Variants in PARD3 observed in about 807,000 individuals in gnomAD.
The protein encoded by PARD3 is partitioning defective 3 homolog.
Under a neutral mutation model 155.4 loss-of-function variants are expected in PARD3, and 75 were observed. The observed-to-expected ratio is 0.48, with a 90% CI of 0.40 to 0.58. The LOEUF is 0.58. Ranked by LOEUF, PARD3 falls within the 20% of genes least tolerant of loss-of-function variation. PARD3 has a pLI of 0.00. For synonymous variants in PARD3, 576 were observed against 610.5 expected, an observed-to-expected ratio of 0.94 and a Z score of 0.83; for missense variants, 1,642 against 1,721.7, an observed-to-expected ratio of 0.95 and a Z score of 0.82.
At chr10:34,241,520 A>G (rs183402906) in intron 22 of PARD3, among the ~76,000 whole-genome samples, 195 of 152,246 alleles carry the variant, frequency 1.3e-3, no homozygotes, top group African/African-American at 4.5e-3. Context: ...AAAAAGGAAA[A>G]ACACAGAACA....
chr10:34,419,069 C>A (rs1455378310), intron 5 of PARD3, among the ~76,000 whole-genome samples: 1 of 152,000 alleles, frequency 6.6e-6, no homozygotes, highest in Non-Finnish European at 1.5e-5. Flanking sequence ...AACCACTGCA[C>A]CTAGCCTAGA....
chr10:34,747,159 T>C (rs1359661122), intron 1 of PARD3, among the ~76,000 whole-genome samples: 1 of 152,240 alleles, frequency 6.6e-6, no homozygotes, highest in Non-Finnish European at 1.5e-5. Flanking sequence ...TGGAAATCAA[T>C]GTAAAAATCT....
At chr10:34,350,134 T>A (rs1467793802) in intron 14 of PARD3, among the ~76,000 whole-genome samples, 1 of 152,212 alleles carries the variant, frequency 6.6e-6, no homozygotes, top group African/African-American at 2.4e-5. Flanking sequence ...TAATTTCTTT[T>A]AAAAAAACTG....
intron 24 of PARD3, among the ~76,000 whole-genome samples, chr10:34,114,494 C>T (rs1946558949): frequency 6.6e-6 from 1 of 152,018 alleles, no homozygotes; most frequent in African/African-American, 2.4e-5. Flanking sequence ...CAGGAACAAA[C>T]CACCACACCT....
At chr10:34,701,180 G>T (rs2094268573) in intron 1 of PARD3, among the ~76,000 whole-genome samples, 1 of 152,108 alleles carries the variant, frequency 6.6e-6, no homozygotes, top group Non-Finnish European at 1.5e-5. Context: ...CTGAGCAGGG[G>T]GAAGGGTGTG....
intron 24 of PARD3, among the ~76,000 whole-genome samples, chr10:34,116,970 G>A (rs951701864): frequency 2.6e-5 from 4 of 152,206 alleles, no homozygotes; most frequent in Admixed American, 2.6e-4. Context: ...ATGGGAAGGC[G>A]AGGATGAAAG....
chr10:34,674,786 C>T (rs1590577025), intron 2 of PARD3, among the ~76,000 whole-genome samples: 2 of 152,208 alleles, frequency 1.3e-5, no homozygotes, highest in Middle Eastern at 3.4e-3. Context: ...CGTGCCCAGC[C>T]CTCACTCTTG....
intron 2 of PARD3, among the ~76,000 whole-genome samples, chr10:34,623,758 G>A (rs2091827402): frequency 6.7e-6 from 1 of 149,926 alleles, no homozygotes; most frequent in African/African-American, 2.4e-5. Context: ...AAGTGGGGCG[G>A]ATCACGAGGT....
chr10:34,664,727 C>T (rs986214014), intron 2 of PARD3, among the ~76,000 whole-genome samples: 1 of 152,206 alleles, frequency 6.6e-6, no homozygotes, highest in Non-Finnish European at 1.5e-5. Context: ...CTTAGGTAAT[C>T]TGCCCACTTT....
chr10:34,356,300 T>C (rs1305052506), intron 14 of PARD3, among the ~76,000 whole-genome samples: 2 of 152,086 alleles, frequency 1.3e-5, no homozygotes, highest in Non-Finnish European at 2.9e-5. Context: ...GCCTGAAATC[T>C]CAGCACTTTG....
intron 20 of PARD3, among the ~76,000 whole-genome samples, chr10:34,309,876 G>A (rs1230005041): frequency 2.1e-5 from 3 of 145,028 alleles, no homozygotes; most frequent in African/African-American, 7.5e-5. Context: ...AGATGCAAGT[G>A]GGGAAAAGGA....
intron 1 of PARD3, among the ~76,000 whole-genome samples, chr10:34,745,348 A>T (rs2133909667): frequency 6.6e-6 from 1 of 151,506 alleles, no homozygotes; most frequent in Non-Finnish European, 1.5e-5. Context: ...GATGACAGAG[A>T]AAGACCCTAT....
intron 1 of PARD3, among the ~76,000 whole-genome samples, chr10:34,755,444 C>T (rs993132503): frequency 2.0e-5 from 3 of 151,862 alleles, no homozygotes; most frequent in Non-Finnish European, 2.9e-5. Context: ...ATTGCTGGGC[C>T]GATCACAAGA....
At chr10:34,290,502 G>A (rs1306804594) in intron 20 of PARD3, among the ~76,000 whole-genome samples, 4 of 152,284 alleles carry the variant, frequency 2.6e-5, no homozygotes, top group South Asian at 4.1e-4. Context: ...CTTGGCTGGG[G>A]AAGAGAATTT....
intron 1 of PARD3, among the ~76,000 whole-genome samples, chr10:34,806,959 A>G (rs1477199421): frequency 6.6e-6 from 1 of 152,212 alleles, no homozygotes; most frequent in Non-Finnish European, 1.5e-5. Context: ...CAAAGCTCAA[A>G]ATTTCTGGGA....
intron 3 of PARD3, among the ~76,000 whole-genome samples, chr10:34,487,079 T>G (rs1455119581): frequency 2.6e-5 from 4 of 152,058 alleles, no homozygotes; most frequent in African/African-American, 2.4e-5. Context: ...AGACCATTTT[T>G]GTATCCTCTG....
intron 5 of PARD3, among the ~76,000 whole-genome samples, chr10:34,411,153 TG>T (rs1202993858): frequency 6.6e-6 from 1 of 152,028 alleles, no homozygotes; most frequent in Admixed American, 6.6e-5. Context: ...CAGACAGAGA[TG>T]GGGGAGGAGG....
chr10:34,543,038 A>G (rs554627991), intron 2 of PARD3, among the ~76,000 whole-genome samples: 19 of 152,224 alleles, frequency 1.2e-4, no homozygotes, highest in Non-Finnish European at 2.4e-4. Context: ...ATAACTCAAC[A>G]TTTATTTGCA....
intron 23 of PARD3, among the ~76,000 whole-genome samples, chr10:34,130,970 G>C (rs1947578090): frequency 6.6e-6 from 1 of 152,146 alleles, no homozygotes; most frequent in Admixed American, 6.5e-5. Flanking sequence ...TGAGGTAGGA[G>C]GATTGCCTAA....
Sources: allele counts gnomAD v4.1 joint callset (sites outside exome capture counted in the v4.1 genomes callset), GRCh38; gene constraint gnomAD v4.1.1; transcripts MANE v1.5; gene names NCBI Gene and HGNC (gene_info 2026-07-23, HGNC 2026-07-21).